The following FLT1 variants were observed in gnomAD, a reference collection of about 807,000 sequenced individuals.
The protein encoded by FLT1 is fms related receptor tyrosine kinase 1, also known as vascular endothelial growth factor receptor 1.
A neutral mutation model predicts 156.3 loss-of-function variants in FLT1; 49 were observed. That is an observed-to-expected ratio of 0.31 (90% confidence interval 0.25 to 0.40). The LOEUF (loss-of-function observed/expected upper bound fraction) is 0.40, where lower values mean the gene tolerates loss of function less well. FLT1 is among the 10% of genes least tolerant of loss of function. The pLI is 1.00. For missense variants in FLT1, 1,322 were observed against 1,637.2 expected (o/e 0.81, Z 3.32); for synonymous variants, 594 against 583.8 (o/e 1.02, Z -0.25).
chr13:28,438,371 T>C (rs776555042), intron 3 of FLT1, 26 bp from the exon 4 acceptor site: 2 of 1,581,386 alleles, frequency 1.3e-6, no homozygotes, highest in East Asian at 2.2e-5. Context: ...ATGAAAAAAA[T>C]ATATACATAA....
intron 29 of FLT1, among the ~76,000 whole-genome samples, chr13:28,304,822 CATA>C (rs1001058420): frequency 2.0e-5 from 3 of 152,296 alleles, no homozygotes; most frequent in East Asian, 3.9e-4. Flanking sequence ...TTTTACTTAG[CATA>C]ATATTTTCAA....
intron 1 of FLT1, among the ~76,000 whole-genome samples, chr13:28,478,332 T>C (rs1478052547): frequency 6.6e-6 from 1 of 152,236 alleles, no homozygotes; most frequent in Non-Finnish European, 1.5e-5. Context: ...CAGTTTGGTC[T>C]ATGTCCAGAT....
intron 14 of FLT1, among the ~76,000 whole-genome samples, chr13:28,378,075 A>G (rs1245186363): frequency 1.1e-4 from 14 of 130,570 alleles, no homozygotes; most frequent in African/African-American, 1.5e-4. Flanking sequence ...TTTGAGTTGG[A>G]GTCTTGCTCT....
intron 9 of FLT1, among the ~76,000 whole-genome samples, chr13:28,427,534 T>C (rs747653617): frequency 3.9e-5 from 6 of 152,204 alleles, no homozygotes; most frequent in Non-Finnish European, 8.8e-5. Context: ...TTCCATGGTA[T>C]GTACATTGTG....
chr13:28,420,328 T>TGGACAAGTGGTCTTC (rs1445819592), intron 10 of FLT1, among the ~76,000 whole-genome samples: 1 of 152,238 alleles, frequency 6.6e-6, no homozygotes, highest in Non-Finnish European at 1.5e-5. Context: ...AAGTGGTCTT[T>TGGACAAGTGGTCTTC]GGTCAAGTGG....
intron 10 of FLT1, among the ~76,000 whole-genome samples, chr13:28,407,008 G>A (rs1009663663): frequency 4.6e-5 from 7 of 152,072 alleles, no homozygotes; most frequent in Non-Finnish European, 8.8e-5. Context: ...CATCTGCAGG[G>A]GTACTGGCCC....
rs759351439 is a variant in FLT1, at chr13:28,467,143, TA to T, written c.162-15del. On this transcript the variant is annotated splice_polypyrimidine_tract_variant and intron_variant, in intron 2 of 29. Transcript: ENST00000282397. ...GCTGCTTCCCCCCTGCAATCACAGA[TA>T]AGAAAACAAAACATATTTATGGCTG... The T allele has an allele frequency of 6.3e-6, 10 of 1,597,786 alleles. No individual in the cohort carries two copies. Among genetic ancestry groups the T allele is most frequent in the Non-Finnish European group, 8.6e-6 (10 of 1,166,600 alleles).
chr13:28,385,121 C>T, intron 13 of FLT1, 90 bp from the exon 14 acceptor site: 1 of 1,322,104 alleles, frequency 7.6e-7, no homozygotes, highest in African/African-American at 1.4e-5. Context: ...TACAGAGAAA[C>T]AGCAAAACTC....
chr13:28,308,625 G>A (rs1306169429), intron 28 of FLT1, among the ~76,000 whole-genome samples: 1 of 152,188 alleles, frequency 6.6e-6, no homozygotes, highest in Admixed American at 6.5e-5. Context: ...TACCACGCAG[G>A]GACTTGGGTC....
intron 1 of FLT1, among the ~76,000 whole-genome samples, chr13:28,489,421 T>C (rs940890711): frequency 2.0e-5 from 3 of 152,114 alleles, no homozygotes; most frequent in African/African-American, 7.2e-5. Context: ...ACATGGGGTC[T>C]CTACCAAAGA....
At chr13:28,389,064 T>TTA (rs1874540587) in intron 13 of FLT1, 1 of 1,064,324 alleles carries the variant, frequency 9.4e-7, no homozygotes, top group African/African-American at 1.6e-5. Flanking sequence ...CGATAAACCT[T>TTA]TACTATCTCT....
chr13:28,420,329 G>T (rs1876927277), intron 10 of FLT1, among the ~76,000 whole-genome samples: 1 of 152,148 alleles, frequency 6.6e-6, no homozygotes, highest in African/African-American at 2.4e-5. Context: ...AGTGGTCTTT[G>T]GTCAAGTGGT....
At chr13:28,435,409 A>G (rs1255703996) in intron 4 of FLT1, among the ~76,000 whole-genome samples, 2 of 152,204 alleles carry the variant, frequency 1.3e-5, no homozygotes, top group African/African-American at 4.8e-5. Flanking sequence ...AAAGTGGCCC[A>G]GCCAAATTCC....
At chr13:28,317,042 C>T (rs1368721232) in intron 25 of FLT1, among the ~76,000 whole-genome samples, 1 of 152,234 alleles carries the variant, frequency 6.6e-6, no homozygotes, top group African/African-American at 2.4e-5. Flanking sequence ...CAGACCACAT[C>T]AACCCCCTCA....
Position 28,300,965 on chromosome 13 carries a change from A to C in FLT1, c.*2202T>G, listed in dbSNP as rs200996517. 59 of 232,978 alleles carry C rather than the reference A, an allele frequency of 2.5e-4. 1 individual carries two copies. In the East Asian group the frequency reaches 3.6e-3, roughly 14 times the overall value. 14.4% of individuals were successfully genotyped at this position (232,978 alleles called of 1,614,324 possible). A position where few individuals can be genotyped will look rare whatever the true frequency, so the allele number is the denominator to read the frequency against. On this transcript the variant is annotated 3_prime_UTR_variant, in exon 30 of 30. Transcript: ENST00000282397. Reference sequence around the variant, plus strand: ...TTTCTACATTAAGACTCCAGATGGAACCATTCTTTGACTGATGGATGGACT... The same window carrying C: ...TTTCTACATTAAGACTCCAGATGGACCCATTCTTTGACTGATGGATGGACT...
chr13:28,347,032 A>G (rs1872590500), intron 15 of FLT1, among the ~76,000 whole-genome samples: 1 of 152,194 alleles, frequency 6.6e-6, no homozygotes, highest in African/African-American at 2.4e-5. Flanking sequence ...CCCCATTCAA[A>G]CCTAACCAAG....
chr13:28,477,601 C>T (rs940242008), intron 1 of FLT1, among the ~76,000 whole-genome samples: 29 of 152,268 alleles, frequency 1.9e-4, no homozygotes, highest in Admixed American at 2.6e-4. Flanking sequence ...CAAATGGACA[C>T]GAACAGAGAA....
rs547017277 is a variant in FLT1, at chr13:28,386,286, A to G, written c.1970-1255T>C. On this transcript the variant is annotated intron_variant, in intron 13 of 29. Coordinates refer to ENST00000282397, the MANE Select transcript of FLT1 (RefSeq NM_002019.4). ...GCAACTCTCAGGATTAGCATTTGTT[A>G]AAGCAATTTAGAAATCCCAGGTTAA... 3 of 1,044,834 alleles carry G rather than the reference A, an allele frequency of 2.9e-6. No homozygotes were observed. The African/African-American group carries it at 5.0e-5, about 17-fold the overall frequency. The allele number at this position is 1,044,834 out of a possible 1,614,324, so 64.7% of individuals were successfully genotyped here. A position where few individuals can be genotyped will look rare whatever the true frequency, so the allele number is the denominator to read the frequency against.
At chr13:28,334,819 A>G (rs1872056169) in intron 17 of FLT1, among the ~76,000 whole-genome samples, 1 of 152,220 alleles carries the variant, frequency 6.6e-6, no homozygotes, top group Non-Finnish European at 1.5e-5. Context: ...ATGCTATGCT[A>G]TAATGACTGT....
Sources: gnomAD v4.1 joint callset for allele counts (sites outside exome capture counted in the v4.1 genomes callset) on GRCh38, gnomAD v4.1.1 for gene constraint, MANE v1.5 for transcripts, NCBI Gene and HGNC (gene_info 2026-07-23, HGNC 2026-07-21) for gene names.